The following KLHL24 variants were observed in gnomAD, a reference collection of about 807,000 sequenced individuals.
KLHL24 encodes the protein kelch like family member 24, also known as kelch-like protein 24.
KLHL24 carries 29 observed loss-of-function variants against 53.4 expected under a neutral mutation model. The observed-to-expected ratio is 0.54, with a 90% confidence interval of 0.40 to 0.74. The LOEUF is 0.74. KLHL24 is among the 30% of genes least tolerant of loss of function. The pLI, the probability that KLHL24 is intolerant of heterozygous loss-of-function variation, is 0.00. For missense variants in KLHL24, 504 were observed against 744.0 expected (o/e 0.68, Z 3.75); for synonymous variants, 222 against 253.7 (o/e 0.88, Z 1.19).
intron 7 of KLHL24, among the ~76,000 whole-genome samples, chr3:183,675,410 T>A (rs1466885135): frequency 6.6e-6 from 1 of 152,152 alleles, no homozygotes; most frequent in Non-Finnish European, 1.5e-5. Flanking sequence ...TATTACGTTT[T>A]CTCCCTCTCA....
intron 2 of KLHL24, among the ~76,000 whole-genome samples, chr3:183,646,916 T>A (rs997609713): frequency 3.3e-5 from 5 of 151,504 alleles, no homozygotes; most frequent in Non-Finnish European, 5.9e-5. Context: ...TTCACGCCAT[T>A]CTCCTGTCTC....
intron 3 of KLHL24, among the ~76,000 whole-genome samples, chr3:183,652,229 A>G (rs1214672630): frequency 6.6e-6 from 1 of 152,208 alleles, no homozygotes; most frequent in East Asian, 1.9e-4. Flanking sequence ...ATTGTAGCAT[A>G]TTTGTATCTT....
chr3:183,636,855 C>T (rs1358321106), intron 1 of KLHL24, among the ~76,000 whole-genome samples: 1 of 152,012 alleles, frequency 6.6e-6, no homozygotes, highest in East Asian at 1.9e-4. Flanking sequence ...CTGCTGCGGG[C>T]GGCTGGTAGC....
At chr3:183,649,032 T>G (rs1370618162) in intron 2 of KLHL24, among the ~76,000 whole-genome samples, 3 of 151,906 alleles carry the variant, frequency 2.0e-5, no homozygotes, top group Admixed American at 6.6e-5. Context: ...AGAGAGAGAA[T>G]TGATGGCTAT....
Position 183,651,317 on chromosome 3 carries a change from A to G in KLHL24, c.920+41A>G, listed in dbSNP as rs761416555. The G allele has an allele frequency of 8.2e-6, 12 of 1,470,282 alleles. No individual in the cohort carries two copies. The East Asian group carries it at 2.3e-4, about 28-fold the overall frequency. The allele number at this position is 1,470,282 out of a possible 1,614,324, so 91.1% of individuals were successfully genotyped here. A position where few individuals can be genotyped will look rare whatever the true frequency, so the allele number is the denominator to read the frequency against. On this transcript the variant is annotated intron_variant, in intron 3 of 7. Transcript: ENST00000242810. ...TCAAATATAGTTAACAAAAGTTTTT[A>G]ATATATCTTTAAACCTCCTGAATGC...
chr3:183,651,381 G>T, intron 3 of KLHL24, 105 bp downstream of exon 3: 2 of 725,178 alleles, frequency 2.8e-6, no homozygotes, highest in Non-Finnish European at 4.4e-6. Context: ...GTCTACCTGT[G>T]GCTGTATATA....
chr3:183,660,997 G>A (rs571684225), intron 3 of KLHL24, among the ~76,000 whole-genome samples: 1 of 133,702 alleles, frequency 7.5e-6, no homozygotes, highest in African/African-American at 3.2e-5. Flanking sequence ...CCCGGGAGGC[G>A]GAGCTTGCAG....
chr3:183,662,037 C>G (rs1015510089), intron 3 of KLHL24, among the ~76,000 whole-genome samples: 9 of 151,980 alleles, frequency 5.9e-5, no homozygotes, highest in Admixed American at 1.3e-4. Flanking sequence ...ATTTTTAATA[C>G]TTTTATTTTG....
chr3:183,648,282 ATAAG>A (rs1717619544), intron 2 of KLHL24, among the ~76,000 whole-genome samples: 2 of 152,210 alleles, frequency 1.3e-5, no homozygotes, highest in African/African-American at 2.4e-5. Flanking sequence ...AATACTATAT[ATAAG>A]AGAATGAGTT....
chr3:183,670,413 A>G (rs1227115528), intron 5 of KLHL24, among the ~76,000 whole-genome samples: 2 of 152,242 alleles, frequency 1.3e-5, no homozygotes, highest in African/African-American at 2.4e-5. Flanking sequence ...TCATATAAAG[A>G]TACTAATTTG....
rs1170838070 is a variant in KLHL24, at chr3:183,684,119, T to C, written c.*4833T>C. On this transcript the variant is annotated 3_prime_UTR_variant, in exon 8 of 8. Transcript: ENST00000242810. ...TGTTCCATACTTATGTACAATTTTT[T>C]CCCTCTTCAGGCTTTTTCATTTACC... The C allele has an allele frequency of 6.8e-6, 1 of 146,690 alleles. No individual in the cohort carries two copies. The highest frequency in any genetic ancestry group is 1.5e-5 in the Non-Finnish European group (1 of 67,684). 9.1% of individuals were successfully genotyped at this position (146,690 alleles called of 1,614,324 possible). A position where few individuals can be genotyped will look rare whatever the true frequency, so the allele number is the denominator to read the frequency against.
chr3:183,638,969 G>A (rs1715838927), intron 1 of KLHL24, among the ~76,000 whole-genome samples: 1 of 152,152 alleles, frequency 6.6e-6, no homozygotes, highest in Non-Finnish European at 1.5e-5. Context: ...CGGAGGCTGA[G>A]GCGGGTGGAT....
At chr3:183,675,836 T>C (rs1269140125) in intron 7 of KLHL24, among the ~76,000 whole-genome samples, 2 of 152,030 alleles carry the variant, frequency 1.3e-5, no homozygotes, top group South Asian at 4.2e-4. Flanking sequence ...TTTGCTATAT[T>C]GTATAAAACG....
In KLHL24 at chr3:183,663,041, C is replaced by A. The variant is rs983596796; in HGVS notation, c.921-417C>A. ...CTATGAATTAGTTTTTTAGAACTAGCAAGCTGATGAAAGAGCACCATTTTC... is the reference window on the plus strand; with the variant it reads ...CTATGAATTAGTTTTTTAGAACTAGAAAGCTGATGAAAGAGCACCATTTTC... On this transcript the variant is annotated intron_variant, in intron 3 of 7. Transcript: ENST00000242810. The surrounding 1 kb of genome is among the most constrained non-coding windows in gnomAD (Gnocchi z 4.9). Among the ~76,000 whole-genome samples the A allele has an allele frequency of 6.6e-6, 1 of 152,054 alleles. No homozygotes were observed. Among genetic ancestry groups the A allele is most frequent in the Non-Finnish European group, 1.5e-5 (1 of 68,020 alleles).
chr3:183,639,650 A>G (rs1279437541), intron 1 of KLHL24, among the ~76,000 whole-genome samples: 2 of 81,398 alleles, frequency 2.5e-5, no homozygotes, highest in Non-Finnish European at 5.1e-5. Flanking sequence ...AAAAAAAAAA[A>G]AAATCTCAAA....
intron 1 of KLHL24, chr3:183,642,894 T>C (rs532849445): frequency 1.3e-5 from 2 of 152,312 alleles, no homozygotes; most frequent in African/African-American, 4.8e-5. Context: ...CTTTTACTCA[T>C]TTTTCACTCA....
At position 183,681,539 on chromosome 3, in the gene KLHL24, A is replaced by G. The variant is rs984541743; in HGVS notation, c.*2253A>G. On this transcript the variant is annotated 3_prime_UTR_variant, in exon 8 of 8. Transcript: ENST00000242810. The stretch of plus-strand genomic sequence containing the variant: ...CCTGAAAAACAGAATTTTTTTAAAC[A>G]CAGACCTCACACCAATATTAATTTT... The G allele has an allele frequency of 1.3e-5, 2 of 152,294 alleles. No individual in the cohort carries two copies. The highest frequency in any genetic ancestry group is 2.9e-5 in the Non-Finnish European group (2 of 67,854). 9.4% of individuals were successfully genotyped at this position (152,294 alleles called of 1,614,324 possible).
intron 7 of KLHL24, among the ~76,000 whole-genome samples, chr3:183,674,818 GTATC>G (rs1289850701): frequency 2.6e-5 from 4 of 152,102 alleles, no homozygotes; most frequent in African/African-American, 7.2e-5. Context: ...GGTACCTTAA[GTATC>G]TGTCATTTGT....
At chr3:183,660,131 CTTT>C (rs11366516) in intron 3 of KLHL24, among the ~76,000 whole-genome samples, 37,318 of 135,120 alleles carry the variant, frequency 0.28, 4,562 homozygotes, top group Middle Eastern at 0.36. Context: ...GTTTTTCTTT[CTTT>C]TTTTTTTTTT....
Sources: gnomAD v4.1 joint callset for allele counts (sites outside exome capture counted in the v4.1 genomes callset) on GRCh38, gnomAD v4.1.1 for gene constraint, Gnocchi (gnomAD v3.1) non-coding constraint, MANE v1.5 for transcripts, NCBI Gene and HGNC (gene_info 2026-07-23, HGNC 2026-07-21) for gene names.